PCDHB12: variants seen among roughly 807,000 people sequenced by gnomAD.
PCDHB12 encodes the protein protocadherin beta 12, also known as protocadherin beta-12.
For missense variants in PCDHB12, 1,192 were observed against 998.2 expected (o/e 1.19, Z -2.62); for synonymous variants, 560 against 445.2 (o/e 1.26, Z -3.24).
In PCDHB12 at chr5:141,211,085, G is replaced by A. The variant is rs782685701; in HGVS notation, c.2178G>A (p.Ser726=). Residue 726 remains serine, a synonymous_variant, in exon 1 of 1, where the codon TCG becomes TCA. Transcript: ENST00000239450. The part of the protein sequence containing the change: ...RSRAAPVGRC[S]VPEGPFPGHL... Reference sequence around the variant, plus strand: ...GGGCGGCCCCGGTCGGTCGCTGCTCGGTGCCTGAGGGCCCCTTTCCAGGAC... The same window carrying A: ...GGGCGGCCCCGGTCGGTCGCTGCTCAGTGCCTGAGGGCCCCTTTCCAGGAC... The A allele has an allele frequency of 3.1e-6, 5 of 1,613,762 alleles. No homozygotes were observed. Among genetic ancestry groups the A allele is most frequent in the South Asian group, 2.2e-5 (2 of 91,062 alleles).
At position 141,211,666 on chromosome 5, in the gene PCDHB12, G is replaced by T; in HGVS notation, c.*371G>T. The T allele has an allele frequency of 8.2e-6, 2 of 243,062 alleles. No individual in the cohort carries two copies. Among genetic ancestry groups the T allele is most frequent in the Non-Finnish European group, 1.8e-5 (2 of 114,086 alleles). The allele number at this position is 243,062 out of a possible 1,614,324, so 15.1% of individuals were successfully genotyped here. ...TAGTTTCAGAAGCATAGATTGTAGT[G>T]TACCTTTTTAAACTTTATTTTTTTA... On this transcript the variant is annotated 3_prime_UTR_variant, in exon 1 of 1. Coordinates refer to ENST00000239450, the MANE Select transcript of PCDHB12 (RefSeq NM_018932.4).
In PCDHB12 at chr5:141,212,428, A is replaced by G. The variant is rs1754480377; in HGVS notation, c.*1133A>G. 1 of 152,546 alleles carries G rather than the reference A, an allele frequency of 6.6e-6. No individual in the cohort carries two copies. The highest frequency in any genetic ancestry group is 2.4e-5 in the African/African-American group (1 of 41,584). 9.4% of individuals were successfully genotyped at this position (152,546 alleles called of 1,614,324 possible). On this transcript the variant is annotated 3_prime_UTR_variant, in exon 1 of 1. Transcript: ENST00000239450. ...TATAGATGATCATTAAATTTTTAGA[A>G]ATTTTGGGGAGTTAAGGAGAAGCAT...
At position 141,209,807 on chromosome 5, in the gene PCDHB12, C is replaced by A. The variant is rs781871417; in HGVS notation, c.900C>A (p.Asp300Glu). 1.8e-5 allele frequency: 29 copies of A among 1,614,194 alleles called. No homozygotes were observed. Among genetic ancestry groups the A allele is most frequent in the Non-Finnish European group, 2.5e-5 (29 of 1,180,034 alleles). ...TTGAAATTAATCAAAAGTCTGGTGA[C>A]ATTACTTTAACAGCACCTTTGGATT... ...KTFEINQKSGDITLTAPLDFE... is the reference protein window; with the variant it reads ...KTFEINQKSGEITLTAPLDFE... The change falls in exon 1 of 1, where the codon GAC (aspartate) becomes GAA (glutamate). Residue 300 changes from aspartate (D) to glutamate (E), a missense_variant. Physicochemically the swap from Asp to Glu is conservative, Grantham distance 45 (BLOSUM62 2). Coordinates refer to ENST00000239450, the MANE Select transcript of PCDHB12 (RefSeq NM_018932.4).
chr5:141,209,923 A>T lies in PCDHB12; in HGVS notation c.1016A>T (p.Asp339Val), dbSNP rs1554286775. ...TCTACAGTCAGAATTCAGGTGATGG[A>T]TGTAAACGACAACGCTCCTGAAATC... is the stretch of plus-strand genomic sequence containing the variant. The part of the protein sequence containing the change: ...GKSTVRIQVM[D>V]VNDNAPEITV... The change falls in exon 1 of 1, where the codon GAT becomes GTT. Residue 339 changes from aspartate to valine, a missense_variant. By Grantham distance (152) the Asp-to-Val change is radical. Transcript: ENST00000239450. 6.2e-7 allele frequency: 1 copy of T among 1,614,188 alleles called. No homozygotes were observed. The highest frequency in any genetic ancestry group is 1.1e-5 in the South Asian group (1 of 91,074).
At position 141,210,411 on chromosome 5, in the gene PCDHB12, T is replaced by C; in HGVS notation, c.1504T>C (p.Ser502Pro). The change falls in exon 1 of 1, where the codon TCC (serine) becomes CCC (proline). Residue 502 changes from serine to proline, a missense_variant. Transcript: ENST00000239450. Reference protein sequence around the residue: ...PSQDPHLPLASLVSINADNGH... With the variant: ...PSQDPHLPLAPLVSINADNGH... ...CCAGGACCCGCACCTGCCCCTCGCCTCCCTGGTCTCCATCAACGCGGACAA... is the reference window on the plus strand; with the variant it reads ...CCAGGACCCGCACCTGCCCCTCGCCCCCCTGGTCTCCATCAACGCGGACAA... 1 of 1,613,046 alleles carries C rather than the reference T, an allele frequency of 6.2e-7. No individual in the cohort carries two copies. The highest frequency in any genetic ancestry group is 8.5e-7 in the Non-Finnish European group (1 of 1,179,976).
In PCDHB12 at chr5:141,209,712, T is replaced by C; in HGVS notation, c.805T>C (p.Leu269=). Residue 269 remains leucine, a synonymous_variant, in exon 1 of 1, where the codon TTA becomes CTA. Transcript: ENST00000239450. The stretch of plus-strand genomic sequence containing the variant: ...GGTTGTGACCGTCTCAGCCTGGGAT[T>C]TAGACTCTGGAACAAACAGTGAACT... The part of the protein sequence containing the change: ...SLVVTVSAWD[L]DSGTNSELSY... 2.5e-6 allele frequency: 4 copies of C among 1,614,194 alleles called. No homozygotes were observed. Among genetic ancestry groups the C allele is most frequent in the Non-Finnish European group, 3.4e-6 (4 of 1,180,034 alleles).
rs781824876 is a variant in PCDHB12 at position 141,209,521 on chromosome 5, G to T, written c.614G>T (p.Arg205Leu). ...VLDKALDYEERPELSFILTAL... is the reference protein window; with the variant it reads ...VLDKALDYEELPELSFILTAL... ...GACAAGGCGCTGGATTATGAAGAGC[G>T]CCCGGAGCTCAGTTTCATCCTCACT... Residue 205 changes from arginine (R) to leucine (L), a missense_variant, in exon 1 of 1, where the codon CGC becomes CTC. Physicochemically the swap from Arg to Leu is moderately radical, Grantham distance 102. Transcript: ENST00000239450. The T allele has an allele frequency of 7.4e-5, 119 of 1,614,028 alleles. No homozygotes were observed. Among genetic ancestry groups the T allele is most frequent in the Non-Finnish European group, 9.6e-5 (113 of 1,180,044 alleles).
In PCDHB12 at chr5:141,211,381, A is replaced by G; in HGVS notation, c.*86A>G. ...AGGTGCCTGTAAAGTAGTATTTTTG[A>G]TCACTTCAAATACATACTCTTCAAG... On this transcript the variant is annotated 3_prime_UTR_variant, in exon 1 of 1. Coordinates refer to ENST00000239450, the MANE Select transcript of PCDHB12 (RefSeq NM_018932.4). 2.4e-6 allele frequency: 3 copies of G among 1,235,324 alleles called. No individual in the cohort carries two copies. The highest frequency in any genetic ancestry group is 3.4e-6 in the Non-Finnish European group (3 of 873,986). 76.5% of individuals were successfully genotyped at this position (1,235,324 alleles called of 1,614,324 possible).
rs1754384788 is a variant in PCDHB12 at position 141,209,609 on chromosome 5, T to C, written c.702T>C (p.Asp234=). Reference sequence around the variant, plus strand: ...CCTTGGTCAGGGTGGTGGTTGTAGATATTAATGACAACTCCCCTGAGTTTG... The same window carrying C: ...CCTTGGTCAGGGTGGTGGTTGTAGACATTAATGACAACTCCCCTGAGTTTG... The part of the protein sequence containing the change: ...GTALVRVVVV[D]INDNSPEFEQ... The change falls in exon 1 of 1, where the codon GAT becomes GAC. Residue 234 remains aspartate, a synonymous_variant. Coordinates refer to ENST00000239450, the MANE Select transcript of PCDHB12 (RefSeq NM_018932.4). 1 of 1,614,058 alleles carries C rather than the reference T, an allele frequency of 6.2e-7. No individual in the cohort carries two copies. Among genetic ancestry groups the C allele is most frequent in the African/African-American group, 1.3e-5 (1 of 74,912 alleles).
chr5:141,210,115 T>C lies in PCDHB12; in HGVS notation c.1208T>C (p.Leu403Ser). Residue 403 changes from leucine to serine, a missense_variant, in exon 1 of 1, where the codon TTG (leucine) becomes TCG (serine). Transcript: ENST00000239450. ...LKSSVNNYYT[L>S]ETERPLDRES... is the part of the protein sequence containing the mutation. The stretch of plus-strand genomic sequence containing the variant: ...TCTTCGGTAAATAATTACTACACTT[T>C]GGAAACAGAGAGACCGCTGGACAGA... The C allele has an allele frequency of 6.2e-7, 1 of 1,614,094 alleles. No individual in the cohort carries two copies. Among genetic ancestry groups the C allele is most frequent in the Non-Finnish European group, 8.5e-7 (1 of 1,180,032 alleles).
At position 141,211,084 on chromosome 5, in the gene PCDHB12, C is replaced by G; in HGVS notation, c.2177C>G (p.Ser726Trp). The change falls in exon 1 of 1, where the codon TCG becomes TGG. Residue 726 changes from serine to tryptophan, a missense_variant. Coordinates refer to ENST00000239450, the MANE Select transcript of PCDHB12 (RefSeq NM_018932.4). ...AGGGCGGCCCCGGTCGGTCGCTGCT[C>G]GGTGCCTGAGGGCCCCTTTCCAGGA... ...RSRAAPVGRC[S>W]VPEGPFPGHL... 1 of 1,613,846 alleles carries G rather than the reference C, an allele frequency of 6.2e-7. No individual in the cohort carries two copies. The highest frequency in any genetic ancestry group is 2.2e-5 in the East Asian group (1 of 44,868).
In PCDHB12 at chr5:141,211,554, A is replaced by G. The variant is rs1471508663; in HGVS notation, c.*259A>G. ...TTAAGTGGTAAGTCTTGTTTGAGAT[A>G]TTTTAAATTGCTTTCCATTGTTTTC... On this transcript the variant is annotated 3_prime_UTR_variant, in exon 1 of 1. Coordinates refer to ENST00000239450, the MANE Select transcript of PCDHB12 (RefSeq NM_018932.4). 1 of 501,112 alleles carries G rather than the reference A, an allele frequency of 2.0e-6. No homozygotes were observed. Among genetic ancestry groups the G allele is most frequent in the Non-Finnish European group, 3.6e-6 (1 of 274,648 alleles). 31.0% of individuals were successfully genotyped at this position (501,112 alleles called of 1,614,324 possible).
Position 141,208,930 on chromosome 5 carries a change from C to A in PCDHB12, c.23C>A (p.Thr8Asn), listed in dbSNP as rs73791825. 1.1e-3 allele frequency: 1,632 copies of A among 1,529,824 alleles called. 17 individuals are homozygous for A. In the African/African-American group the frequency reaches 0.019, roughly 18 times the overall value. 94.8% of individuals were successfully genotyped at this position (1,529,824 alleles called of 1,614,324 possible). Residue 8 changes from threonine (T) to asparagine (N), a missense_variant, in exon 1 of 1, where the codon ACT becomes AAT. By Grantham distance (65) the Thr-to-Asn change is moderately conservative (BLOSUM62 0). Coordinates refer to ENST00000239450, the MANE Select transcript of PCDHB12 (RefSeq NM_018932.4). MENGGAG[T>N]LQIRQVLLFF... ...GCTATGGAAAACGGAGGGGCAGGCA[C>A]TCTGCAGATAAGGCAAGTCCTGCTT...
In PCDHB12 at chr5:141,208,986, G is replaced by A; in HGVS notation, c.79G>A (p.Gly27Ser). 6.3e-7 allele frequency: 1 copy of A among 1,596,702 alleles called. No individual in the cohort carries two copies. Residue 27 changes from glycine (G) to serine (S), a missense_variant, in exon 1 of 1, where the codon GGC becomes AGC. Physicochemically the swap from Gly to Ser is moderately conservative, Grantham distance 56 (BLOSUM62 0). Transcript: ENST00000239450. Reference sequence around the variant, plus strand: ...TGTTTTGCTGGGAATGTCTCAGGCGGGCTCTGAAACTGGGAACTTTTTGGT... The same window carrying A: ...TGTTTTGCTGGGAATGTCTCAGGCGAGCTCTGAAACTGGGAACTTTTTGGT... ...FFVLLGMSQAGSETGNFLVME... is the reference protein window; with the variant it reads ...FFVLLGMSQASSETGNFLVME...
chr5:141,210,451 C>T lies in PCDHB12; in HGVS notation c.1544C>T (p.Ala515Val), dbSNP rs782009435. ...AACGCGGACAACGGCCACCTGTTTG[C>T]CCTCAGGTCGCTGGACTACGAGGCC... is the stretch of plus-strand genomic sequence containing the variant. The part of the protein sequence containing the change: ...SINADNGHLF[A>V]LRSLDYEALQ... The change falls in exon 1 of 1, where the codon GCC (alanine) becomes GTC (valine). Residue 515 changes from alanine to valine, a missense_variant. By Grantham distance (64) the Ala-to-Val change is moderately conservative (BLOSUM62 0). Coordinates refer to ENST00000239450, the MANE Select transcript of PCDHB12 (RefSeq NM_018932.4). The T allele has an allele frequency of 1.2e-6, 2 of 1,612,890 alleles. No individual in the cohort carries two copies. The highest frequency in any genetic ancestry group is 1.3e-5 in the African/African-American group (1 of 74,918).
chr5:141,210,347 G>C lies in PCDHB12; in HGVS notation c.1440G>C (p.Ser480=), dbSNP rs782587060. 1.8e-5 allele frequency: 29 copies of C among 1,612,824 alleles called. No homozygotes were observed. Among genetic ancestry groups the C allele is most frequent in the African/African-American group, 4.0e-5 (3 of 74,892 alleles). Residue 480 remains serine, a synonymous_variant, in exon 1 of 1, where the codon TCG becomes TCC. Coordinates refer to ENST00000239450, the MANE Select transcript of PCDHB12 (RefSeq NM_018932.4). ...GCATCAGCGCCACAGACAGAGACTC[G>C]GGCACCAACGCCCAGGTCAACTACT... ...IGSISATDRD[S]GTNAQVNYSL...
At position 141,210,264 on chromosome 5, in the gene PCDHB12, CA is replaced by C; in HGVS notation, c.1360del (p.Thr454LeufsTer88). 6.2e-7 allele frequency: 1 copy of C among 1,614,132 alleles called. No individual in the cohort carries two copies. On this transcript the variant is annotated frameshift_variant, in exon 1 of 1. Transcript: ENST00000239450. LOFTEE classifies it low-confidence loss of function (END_TRUNC). ...DVNDNAPAFT[Q>X]TSYALFVREN... ...CAATGACAACGCCCCCGCCTTCACCCAAACTTCCTACGCCCTGTTCGTCCGC... is the reference window on the plus strand; with the variant it reads ...CAATGACAACGCCCCCGCCTTCACCCAACTTCCTACGCCCTGTTCGTCCGC...
rs1754357989 is a variant in PCDHB12, at chr5:141,208,855, A to G, written c.-53A>G. The stretch of plus-strand genomic sequence containing the variant: ...AGAGGCACGTTTCCCACAACTGCGA[A>G]GAGGCGCTGAGGCAATTCTGCAAGA... On this transcript the variant is annotated 5_prime_UTR_variant, in exon 1 of 1. Transcript: ENST00000239450. 11 of 1,471,018 alleles carry G rather than the reference A, an allele frequency of 7.5e-6. No homozygotes were observed. Among genetic ancestry groups the G allele is most frequent in the Non-Finnish European group, 1.0e-5 (11 of 1,098,512 alleles). 91.1% of individuals were successfully genotyped at this position (1,471,018 alleles called of 1,614,324 possible).
rs369400969 is a variant in PCDHB12 at position 141,209,031 on chromosome 5, G to A, written c.124G>A (p.Gly42Arg). 14 of 1,611,202 alleles carry A rather than the reference G, an allele frequency of 8.7e-6. No homozygotes were observed. Among genetic ancestry groups the A allele is most frequent in the African/African-American group, 5.4e-5 (4 of 74,750 alleles). ...NFLVMEELQS[G>R]SFVGNLAKTL... ...TTTGGTGATGGAGGAATTGCAGAGCGGGAGCTTTGTAGGAAATTTGGCAAA... is the reference window on the plus strand; with the variant it reads ...TTTGGTGATGGAGGAATTGCAGAGCAGGAGCTTTGTAGGAAATTTGGCAAA... The change falls in exon 1 of 1, where the codon GGG becomes AGG. Residue 42 changes from glycine to arginine, a missense_variant. By Grantham distance (125) the Gly-to-Arg change is moderately radical. Transcript: ENST00000239450.
Sources: allele counts gnomAD v4.1 joint callset, GRCh38; gene constraint gnomAD v4.1.1; transcripts MANE v1.5; gene names NCBI Gene and HGNC (gene_info 2026-07-23, HGNC 2026-07-21).